GTF3C1: variants seen among roughly 807,000 people sequenced by gnomAD.
The protein encoded by GTF3C1 is general transcription factor 3C polypeptide 1.
GTF3C1 carries 57 observed loss-of-function variants against 226.7 expected under a neutral mutation model. That is an observed-to-expected ratio of 0.25 (90% CI 0.20 to 0.31). The LOEUF (loss-of-function observed/expected upper bound fraction) is 0.31, where lower values mean the gene tolerates loss of function less well. GTF3C1 is among the 10% of genes least tolerant of loss of function. The pLI is 1.00. For missense variants in GTF3C1, 2,217 were observed against 2,776.1 expected (o/e 0.80, Z 4.53); for synonymous variants, 1,090 against 1,084.8 (o/e 1.00, Z -0.09).
chr16:27,483,421 A>C, intron 25 of GTF3C1: 1 of 552,612 alleles, frequency 1.8e-6, no homozygotes, highest in Non-Finnish European at 3.4e-6. Context: ...GTCCAGGACC[A>C]TATGGGCTGA....
intron 6 of GTF3C1, among the ~76,000 whole-genome samples, chr16:27,518,083 C>G (rs555018586): frequency 6.6e-6 from 1 of 152,200 alleles, no homozygotes; most frequent in African/African-American, 2.4e-5. Context: ...ACGAACCCCA[C>G]GGCAGCTTTC....
chr16:27,479,972 G>T (rs979492526), intron 27 of GTF3C1, among the ~76,000 whole-genome samples: 12 of 152,118 alleles, frequency 7.9e-5, no homozygotes, highest in Non-Finnish European at 1.8e-4. Flanking sequence ...AGGCTGAGAC[G>T]GGCAGATCAC....
Position 27,486,061 on chromosome 16 carries a change from C to G in GTF3C1, c.3794G>C (p.Trp1265Ser). The G allele has an allele frequency of 6.2e-7, 1 of 1,611,664 alleles. No homozygotes were observed. Among genetic ancestry groups the G allele is most frequent in the Non-Finnish European group, 8.5e-7 (1 of 1,177,874 alleles). Residue 1265 changes from tryptophan to serine, a missense_variant, in exon 24 of 37, where the codon TGG becomes TCG. Coordinates refer to ENST00000356183, the MANE Select transcript of GTF3C1 (RefSeq NM_001520.4). ...AAGCAGCCCATCCTCCTGCATAGAC[C>G]AGGTGACACGAAGCCGCGTCATCCG... ...LQRMTRLRVT[W>S]SMQEDGLLVL...
chr16:27,523,629 G>C (rs184332403), intron 6 of GTF3C1, among the ~76,000 whole-genome samples: 7 of 152,242 alleles, frequency 4.6e-5, no homozygotes, highest in African/African-American at 1.7e-4. Flanking sequence ...CTCAGCATCT[G>C]CTTAGCACCT....
chr16:27,486,923 T>G (rs1345582289), intron 23 of GTF3C1, among the ~76,000 whole-genome samples: 1 of 152,236 alleles, frequency 6.6e-6, no homozygotes, highest in Non-Finnish European at 1.5e-5. Context: ...ATACAGTGAC[T>G]TGCTGAAGTC....
Position 27,497,642 on chromosome 16 carries a change from A to G in GTF3C1, c.2345T>C (p.Ile782Thr). The G allele has an allele frequency of 6.2e-7, 1 of 1,611,314 alleles. No individual in the cohort carries two copies. The highest frequency in any genetic ancestry group is 1.7e-5 in the Admixed American group (1 of 59,916). ...GACAAGAAGCTGCAGCTTACCTACA[A>G]TGGGGTGATAATTTCTAAGCGGGGT... ...GITPLRNYHP[I>T]VVPGLGRSLG... The change falls in exon 14 of 37, where the codon ATT becomes ACT. Residue 782 changes from isoleucine to threonine, a missense_variant. By Grantham distance (89) the Ile-to-Thr change is moderately conservative (BLOSUM62 -1). Around this residue, in one of 12 missense-constraint regions of GTF3C1, gnomAD observed 100 missense variants for 139.9 expected, o/e 0.71. Transcript: ENST00000356183.
chr16:27,491,362 A>G (rs543760911), intron 19 of GTF3C1, among the ~76,000 whole-genome samples: 1 of 152,300 alleles, frequency 6.6e-6, no homozygotes, highest in East Asian at 1.9e-4. Flanking sequence ...AAAGCACTGC[A>G]GGGGAGGCTC....
In GTF3C1 at chr16:27,470,643, G is replaced by A. The variant is rs1475360475; in HGVS notation, c.4527-248C>T. 2.0e-6 allele frequency: 1 copy of A among 493,222 alleles called. No individual in the cohort carries two copies. The highest frequency in any genetic ancestry group is 1.9e-5 in the African/African-American group (1 of 51,902). The allele number at this position is 493,222 out of a possible 1,614,324, so 30.6% of individuals were successfully genotyped here. On this transcript the variant is annotated intron_variant, in intron 30 of 36. Coordinates refer to ENST00000356183, the MANE Select transcript of GTF3C1 (RefSeq NM_001520.4). The surrounding 1 kb of genome is among the most constrained non-coding windows in gnomAD (Gnocchi z 4.9). ...CCTGTCTCCTCATCTAATTCAATGT[G>A]GCCTCACCTGGCGCTCCAGGAGGGC...
intron 6 of GTF3C1, among the ~76,000 whole-genome samples, chr16:27,515,615 T>C (rs1179478675): frequency 6.6e-6 from 1 of 152,074 alleles, no homozygotes; most frequent in East Asian, 1.9e-4. Context: ...GGAGGGAAGG[T>C]AGGGATGAAC....
intron 23 of GTF3C1, among the ~76,000 whole-genome samples, chr16:27,486,836 T>C (rs1351524974): frequency 1.3e-5 from 2 of 152,272 alleles, no homozygotes; most frequent in African/African-American, 4.8e-5. Context: ...TATCTTATAA[T>C]TAGAATACTA....
Position 27,494,833 on chromosome 16 carries a change from G to C in GTF3C1, c.2708C>G (p.Ala903Gly). 1 of 1,611,638 alleles carries C rather than the reference G, an allele frequency of 6.2e-7. No homozygotes were observed. Among genetic ancestry groups the C allele is most frequent in the Non-Finnish European group, 8.5e-7 (1 of 1,177,674 alleles). The change falls in exon 16 of 37, where the codon GCT (alanine) becomes GGT (glycine). Residue 903 changes from alanine (A) to glycine (G), a missense_variant. This residue lies in a region of GTF3C1 where 353 missense variants were observed against 411.7 expected (regional missense o/e 0.86). Coordinates refer to ENST00000356183, the MANE Select transcript of GTF3C1 (RefSeq NM_001520.4). ...PVHRDFGFGW[A>G]LVSDILLCLP... ...GCAGAGGAGGATGTCGCTGACGAGAGCCCAGCCAAAGCCGAAGTCCCTGTG... is the reference window on the plus strand; with the variant it reads ...GCAGAGGAGGATGTCGCTGACGAGACCCCAGCCAAAGCCGAAGTCCCTGTG...
chr16:27,515,185 C>G (rs760681332), intron 6 of GTF3C1, among the ~76,000 whole-genome samples: 1 of 152,190 alleles, frequency 6.6e-6, no homozygotes, highest in African/African-American at 2.4e-5. Flanking sequence ...TGGCTCATGC[C>G]TGTAATCCCA....
At position 27,546,595 on chromosome 16, in the gene GTF3C1, C is replaced by T. The variant is rs558624802; in HGVS notation, c.222-1072G>A. Among the ~76,000 whole-genome samples the T allele has an allele frequency of 2.6e-4, 40 of 151,760 alleles. No homozygotes were observed. In the South Asian group the frequency reaches 8.1e-3, roughly 31 times the overall value. ...GGCTCAAGTAATCTGCCCACTTCAGCCTTGCAAAGTGCTAGGATTACAGGT... is the reference window on the plus strand; with the variant it reads ...GGCTCAAGTAATCTGCCCACTTCAGTCTTGCAAAGTGCTAGGATTACAGGT... On this transcript the variant is annotated intron_variant, in intron 1 of 36. Transcript: ENST00000356183.
intron 2 of GTF3C1, among the ~76,000 whole-genome samples, chr16:27,543,012 ACAG>A (rs1001774756): frequency 2.6e-5 from 4 of 152,242 alleles, no homozygotes; most frequent in East Asian, 3.8e-4. Context: ...ACTGGTATGC[ACAG>A]CAGATTATTG....
At chr16:27,541,125 G>C (rs2089075389) in intron 2 of GTF3C1, among the ~76,000 whole-genome samples, 1 of 152,204 alleles carries the variant, frequency 6.6e-6, no homozygotes, top group African/African-American at 2.4e-5. Context: ...ACAGGTGTGA[G>C]CCACTGCACC....
intron 20 of GTF3C1, 103 bp from the exon 21 acceptor site, chr16:27,489,281 C>A: frequency 1.5e-6 from 2 of 1,340,222 alleles, no homozygotes; most frequent in Non-Finnish European, 2.1e-6. Context: ...CCAACTTTCA[C>A]CTTTCCAGAA....
intron 6 of GTF3C1, among the ~76,000 whole-genome samples, chr16:27,525,464 G>A (rs1312494919): frequency 2.0e-5 from 3 of 152,204 alleles, no homozygotes; most frequent in Admixed American, 6.5e-5. Context: ...CCTCCCAGCT[G>A]TTCCTTCTTT....
At chr16:27,494,262 G>A (rs1385517054) in intron 16 of GTF3C1, among the ~76,000 whole-genome samples, 4 of 152,038 alleles carry the variant, frequency 2.6e-5, no homozygotes, top group East Asian at 1.9e-4. Flanking sequence ...TTAGCCTGGC[G>A]TGGTGGTGGG....
chr16:27,536,008 A>G (rs1472849453), intron 4 of GTF3C1, among the ~76,000 whole-genome samples: 6 of 152,252 alleles, frequency 3.9e-5, no homozygotes, highest in African/African-American at 1.4e-4. Flanking sequence ...CATTTCAAGA[A>G]AAAGTTAAAT....
Sources: allele counts gnomAD v4.1 joint callset (sites outside exome capture counted in the v4.1 genomes callset), GRCh38; gene constraint gnomAD v4.1.1; regional missense constraint gnomAD v4.1.1; non-coding constraint Gnocchi (gnomAD v3.1); transcripts MANE v1.5; gene names NCBI Gene and HGNC (gene_info 2026-07-23, HGNC 2026-07-21).